RARS1: variants seen among roughly 807,000 people sequenced by gnomAD.
RARS1 encodes the protein arginyl-tRNA synthetase 1, also known as arginine--tRNA ligase, cytoplasmic.
A neutral mutation model predicts 78.7 loss-of-function variants in RARS1; 75 were observed. The ratio of observed to expected loss-of-function variants is 0.95; its 90% CI spans 0.79 to 1.15. The LOEUF is 1.15. RARS1 is among the 50% of genes most tolerant of loss of function. The probability of loss-of-function intolerance (pLI) is 0.00; values close to 1 mark genes in which losing one functional copy is unlikely to be tolerated. For missense variants in RARS1, 787 were observed against 787.5 expected (o/e 1.00, Z 0.01); for synonymous variants, 273 against 268.2 (o/e 1.02, Z -0.18).
intron 9 of RARS1, among the ~76,000 whole-genome samples, chr5:168,503,174 G>A (rs887317397): frequency 1.4e-4 from 22 of 152,144 alleles, no homozygotes; most frequent in Admixed American, 1.3e-3. Context: ...TTCAAGTATC[G>A]TCAGCTGGAT....
chr5:168,516,434 A>T (rs1449737193), intron 12 of RARS1, among the ~76,000 whole-genome samples: 1 of 152,180 alleles, frequency 6.6e-6, no homozygotes, highest in East Asian at 1.9e-4. Flanking sequence ...TGTTTCCTAT[A>T]ACCTCACAAT....
intron 7 of RARS1, chr5:168,497,844 A>G (rs1758230311): frequency 6.6e-6 from 1 of 151,774 alleles, no homozygotes; most frequent in African/African-American, 2.4e-5. Flanking sequence ...AACCGCTACT[A>G]GATACCCTAC....
At position 168,506,226 on chromosome 5, in the gene RARS1, TA is replaced by T. The variant is rs565985370; in HGVS notation, c.1236+28del. 1.8e-4 allele frequency: 268 copies of T among 1,494,606 alleles called. 2 individuals carry two copies. In the East Asian group the frequency reaches 5.9e-3, roughly 33 times the overall value. The allele number at this position is 1,494,606 out of a possible 1,614,324, so 92.6% of individuals were successfully genotyped here. ...TGAGTTTGTAAATTTGTATGTGTTT[TA>T]CATTGACTGATTAGAGGTAAGACAG... On this transcript the variant is annotated intron_variant, in intron 10 of 14. Transcript: ENST00000231572.
chr5:168,502,657 C>T (rs1349238057), intron 9 of RARS1, among the ~76,000 whole-genome samples: 6 of 150,252 alleles, frequency 4.0e-5, no homozygotes, highest in Non-Finnish European at 8.9e-5. Flanking sequence ...CTGCAACCTC[C>T]GCCTCCTGGG....
Position 168,506,184 on chromosome 5 carries a change from T to C in RARS1, c.1221T>C (p.Val407=). ...AAAAAGCAGATATGATTATCTATGT[T>C]GTGGACAATGGACAAGTGAGTTTGT... The part of the protein sequence containing the change: ...FEEKADMIIY[V]VDNGQSVHFQ... Residue 407 remains valine (V), a synonymous_variant, in exon 10 of 15, where the codon GTT becomes GTC. Transcript: ENST00000231572. 1 of 1,574,590 alleles carries C rather than the reference T, an allele frequency of 6.4e-7. No individual in the cohort carries two copies. Among genetic ancestry groups the C allele is most frequent in the Non-Finnish European group, 8.6e-7 (1 of 1,159,452 alleles).
chr5:168,502,384 A>ATATATATATATT, intron 9 of RARS1, among the ~76,000 whole-genome samples: 1 of 127,234 alleles, frequency 7.9e-6, no homozygotes, highest in South Asian at 2.5e-4. Flanking sequence ...ATATATATAT[A>ATATATATATATT]TTTTTTTTTT....
chr5:168,509,242 C>T (rs1316831257), intron 11 of RARS1, among the ~76,000 whole-genome samples: 9 of 151,942 alleles, frequency 5.9e-5, no homozygotes, highest in African/African-American at 1.9e-4. Flanking sequence ...CTAAAGAAAG[C>T]TATGGAAATA....
intron 13 of RARS1, 44 bp from the exon 14 acceptor site, chr5:168,517,768 AAAG>A (rs1758701601): frequency 1.5e-6 from 2 of 1,361,378 alleles, no homozygotes; most frequent in East Asian, 5.8e-5. Flanking sequence ...GTGCCTAAAA[AAAG>A]GGAACAGTGG....
At chr5:168,487,291 G>T (rs1204627023) in intron 1 of RARS1, among the ~76,000 whole-genome samples, 2 of 152,038 alleles carry the variant, frequency 1.3e-5, no homozygotes, top group Non-Finnish European at 2.9e-5. Context: ...GCGTGAACCC[G>T]GGAGGCGGAG....
intron 6 of RARS1, 75 bp downstream of exon 6, chr5:168,495,511 TCTCA>T: frequency 6.6e-7 from 1 of 1,525,046 alleles, no homozygotes; most frequent in Non-Finnish European, 8.9e-7. Context: ...ACATGGAATA[TCTCA>T]CTCAAGAAAG....
Position 168,518,071 on chromosome 5 carries a change from C to CTGTT in RARS1, c.1873+10_1873+11insGTTT. 1.3e-6 allele frequency: 1 copy of CTGTT among 747,560 alleles called. No individual in the cohort carries two copies. The highest frequency in any genetic ancestry group is 9.9e-5 in the Admixed American group (1 of 10,094). The allele number at this position is 747,560 out of a possible 1,614,324, so 46.3% of individuals were successfully genotyped here. A position where few individuals can be genotyped will look rare whatever the true frequency, so the allele number is the denominator to read the frequency against. On this transcript the variant is annotated intron_variant, in intron 14 of 14. Transcript: ENST00000231572. ...GAAAGATAGACAGACTGGTGAGTGT[C>CTGTT]TTTTTTTTTTTTTTTTTTTTTTTTA...
intron 6 of RARS1, 66 bp from the exon 7 acceptor site, chr5:168,497,162 C>A: frequency 8.3e-7 from 1 of 1,202,388 alleles, no homozygotes; most frequent in South Asian, 2.3e-5. Flanking sequence ...GAATATAGTT[C>A]CTCTAATTTA....
At chr5:168,497,476 G>T (rs1758221343) in intron 7 of RARS1, 128 bp downstream of exon 7, 2 of 676,138 alleles carry the variant, frequency 3.0e-6, no homozygotes, top group African/African-American at 3.7e-5. Context: ...AACAGCCTTA[G>T]TAATACATGT....
chr5:168,518,159 C>CG, intron 14 of RARS1, 97 bp downstream of exon 14: 1 of 1,310,438 alleles, frequency 7.6e-7, no homozygotes, highest in East Asian at 3.0e-5. Flanking sequence ...TCATAGGTCA[C>CG]TGAAGCCTCA....
At chr5:168,495,536 T>C in intron 6 of RARS1, 100 bp downstream of exon 6, 1 of 1,472,212 alleles carries the variant, frequency 6.8e-7, no homozygotes, top group African/African-American at 1.4e-5. Flanking sequence ...AACATTCGAC[T>C]AAATCAGTGG....
chr5:168,504,148 GAGGTGGGA>G (rs1758386904), intron 9 of RARS1, among the ~76,000 whole-genome samples: 2 of 151,798 alleles, frequency 1.3e-5, no homozygotes, highest in African/African-American at 4.8e-5. Context: ...TTGGGAGGCT[GAGGTGGGA>G]GGATCACTTG....
chr5:168,512,123 TTACAGGCA>T (rs149696263), intron 12 of RARS1, among the ~76,000 whole-genome samples: 5,380 of 152,244 alleles, frequency 0.035, 295 homozygotes, highest in African/African-American at 0.12. Context: ...AGTGCTAGGA[TTACAGGCA>T]TAAGCCACCA....
Position 168,510,610 on chromosome 5 carries a change from C to G in RARS1, c.1376C>G (p.Thr459Arg), listed in dbSNP as rs1023849488. 29 of 1,610,316 alleles carry G rather than the reference C, an allele frequency of 1.8e-5. 1 individual carries two copies. The highest frequency in any genetic ancestry group is 1.7e-4 in the Middle Eastern group (1 of 6,048). Residue 459 changes from threonine to arginine, a missense_variant, in exon 12 of 15, where the codon ACA becomes AGA. By Grantham distance (71) the Thr-to-Arg change is moderately conservative. Coordinates refer to ENST00000231572, the MANE Select transcript of RARS1 (RefSeq NM_002887.4). ...KKKFKTRSGE[T>R]VRLMDLLGEG... ...AAGTTTAAAACACGTTCGGGTGAAA[C>G]AGTGCGCCTCATGGATCTTCTGGGA...
At chr5:168,496,369 A>G (rs1444380445) in intron 6 of RARS1, among the ~76,000 whole-genome samples, 1 of 111,744 alleles carries the variant, frequency 8.9e-6, no homozygotes, top group East Asian at 3.1e-4. Context: ...ACAGAGCAAG[A>G]CTCTCTGTCA....
Sources: allele counts gnomAD v4.1 joint callset (sites outside exome capture counted in the v4.1 genomes callset), GRCh38; gene constraint gnomAD v4.1.1; transcripts MANE v1.5; gene names NCBI Gene and HGNC (gene_info 2026-07-23, HGNC 2026-07-21).